Variants in ITGB5 observed in about 807,000 individuals in gnomAD.
The protein encoded by ITGB5 is integrin subunit beta 5.
In ITGB5, 38 loss-of-function variants were observed where a neutral mutation model predicts 84.8. The ratio of observed to expected loss-of-function variants is 0.45; its 90% CI spans 0.35 to 0.59. ITGB5 has a LOEUF of 0.59. ITGB5 is among the 20% of genes least tolerant of loss of function. ITGB5 has a pLI of 0.01. For missense variants in ITGB5, 905 were observed against 1,034.5 expected (o/e 0.87, Z 1.72); for synonymous variants, 393 against 414.4 (o/e 0.95, Z 0.63).
intron 1 of ITGB5, among the ~76,000 whole-genome samples, chr3:124,897,040 C>T (rs1935117702): frequency 6.6e-6 from 1 of 152,146 alleles, no homozygotes; most frequent in Non-Finnish European, 1.5e-5. Context: ...CCCTTCAGAG[C>T]CTGGCCCCTA....
chr3:124,861,697 G>A (rs979849815), intron 2 of ITGB5, among the ~76,000 whole-genome samples: 7 of 151,858 alleles, frequency 4.6e-5, no homozygotes, highest in African/African-American at 1.7e-4. Flanking sequence ...GAGTAGCTGG[G>A]ATTACAGCCA....
chr3:124,890,980 T>TC (rs974976212), upstream of ITGB5, among the ~76,000 whole-genome samples: 417 of 150,952 alleles, frequency 2.8e-3, 2 homozygotes, highest in East Asian at 0.019. Flanking sequence ...GAGGCAAAAC[T>TC]CCCCCCCCAG....
At chr3:124,783,147 C>G (rs900520448) in intron 10 of ITGB5, among the ~76,000 whole-genome samples, 1 of 151,572 alleles carries the variant, frequency 6.6e-6, no homozygotes, top group African/African-American at 2.4e-5. Context: ...AAAAATTAGC[C>G]GGGCGTGGTG....
At chr3:124,785,600 A>C (rs202098713) in intron 10 of ITGB5, among the ~76,000 whole-genome samples, 177 of 147,710 alleles carry the variant, frequency 1.2e-3, no homozygotes, top group South Asian at 2.6e-3. Flanking sequence ...AAAAAAAAAA[A>C]CCCCAAAAAA....
intron 10 of ITGB5, among the ~76,000 whole-genome samples, chr3:124,786,668 G>A (rs570566825): frequency 5.9e-5 from 9 of 152,120 alleles, no homozygotes; most frequent in Non-Finnish European, 1.3e-4. Context: ...CAGACTTGGA[G>A]CAACTTCCAG....
Position 124,830,521 on chromosome 3 carries a change from T to C in ITGB5, c.781-9047A>G, listed in dbSNP as rs553708082. Among the ~76,000 whole-genome samples the C allele has an allele frequency of 3.3e-5, 5 of 152,276 alleles. No homozygotes were observed. The South Asian group carries it at 8.3e-4, about 25-fold the overall frequency. On this transcript the variant is annotated intron_variant, in intron 5 of 14. Transcript: ENST00000296181. Reference sequence around the variant, plus strand: ...GGACAAAAGCACCAATGGATGACTGTGTAGAAAAACAGAGAAAACATGTAG... The same window carrying C: ...GGACAAAAGCACCAATGGATGACTGCGTAGAAAAACAGAGAAAACATGTAG...
chr3:124,775,306 G>T (rs1488990120), intron 10 of ITGB5, among the ~76,000 whole-genome samples: 3 of 151,510 alleles, frequency 2.0e-5, no homozygotes, highest in African/African-American at 7.2e-5. Flanking sequence ...GTGCATGAGT[G>T]TGTACAAGTG....
chr3:124,769,054 C>G lies in ITGB5; in HGVS notation c.1976G>C (p.Ser659Thr), dbSNP rs776553170. 8.7e-6 allele frequency: 14 copies of G among 1,613,912 alleles called. No individual in the cohort carries two copies. In the African/African-American group the frequency reaches 1.7e-4, roughly 20 times the overall value. Reference sequence around the variant, plus strand: ...TGTGATCACCTCATCCCTGCATAGGCTGTGGCAGGTCTGGTTGTCAGGTTT... The same window carrying G: ...TGTGATCACCTCATCCCTGCATAGGGTGTGGCAGGTCTGGTTGTCAGGTTT... ...SGKPDNQTCH[S>T]LCRDEVITWV... is the part of the protein sequence containing the mutation. Residue 659 changes from serine to threonine, a missense_variant, in exon 12 of 15, where the codon AGC becomes ACC. Around this residue, in one of 3 missense-constraint regions of ITGB5, gnomAD observed 116 missense variants for 177.0 expected, o/e 0.66. Coordinates refer to ENST00000296181, the MANE Select transcript of ITGB5 (RefSeq NM_002213.5).
In ITGB5 at chr3:124,841,528, A is replaced by T. The variant is rs763633350; in HGVS notation, c.635T>A (p.Val212Asp). 1 of 1,613,866 alleles carries T rather than the reference A, an allele frequency of 6.2e-7. No individual in the cohort carries two copies. Among genetic ancestry groups the T allele is most frequent in the South Asian group, 1.1e-5 (1 of 90,992 alleles). Reference sequence around the variant, plus strand: ...CAGATGGCGGAACCCAAAGGAGGGGACGCAATTTGGAAACAACTTGTAACT... The same window carrying T: ...CAGATGGCGGAACCCAAAGGAGGGGTCGCAATTTGGAAACAACTTGTAACT... ...CIGYKLFPNC[V>D]PSFGFRHLLP... The change falls in exon 5 of 15, where the codon GTC (valine) becomes GAC (aspartate). Residue 212 changes from valine to aspartate, a missense_variant. Transcript: ENST00000296181.
rs763581144 is a variant in ITGB5 at position 124,821,433 on chromosome 3, C to A, written c.822G>T (p.Val274=). ...GWRKDALHLL[V]FTTDDVPHIA... is the part of the protein sequence containing the mutation. ...TGTGGGGCACATCATCTGTTGTGAA[C>A]ACCAGCAAATGCAGTGCATCCTTTC... The change falls in exon 6 of 15, where the codon GTG becomes GTT. Residue 274 remains valine, a synonymous_variant. Transcript: ENST00000296181. The A allele has an allele frequency of 1.2e-6, 2 of 1,614,248 alleles. No homozygotes were observed. The highest frequency in any genetic ancestry group is 8.5e-7 in the Non-Finnish European group (1 of 1,180,038).
At chr3:124,785,440 C>T (rs963157054) in intron 10 of ITGB5, among the ~76,000 whole-genome samples, 3 of 152,066 alleles carry the variant, frequency 2.0e-5, no homozygotes, top group Non-Finnish European at 4.4e-5. Context: ...AAAAAATTAG[C>T]CAGGTGTGGT....
chr3:124,869,856 T>C (rs1443305761), intron 2 of ITGB5, among the ~76,000 whole-genome samples: 2 of 152,168 alleles, frequency 1.3e-5, no homozygotes, highest in Non-Finnish European at 2.9e-5. Flanking sequence ...GTGGAAGTAC[T>C]AGCACAAGGA....
intron 2 of ITGB5, among the ~76,000 whole-genome samples, chr3:124,869,123 G>T (rs1389154380): frequency 6.6e-6 from 1 of 152,190 alleles, no homozygotes; most frequent in Non-Finnish European, 1.5e-5. Flanking sequence ...CATCCTCATA[G>T]GTTGGGAACC....
intron 8 of ITGB5, among the ~76,000 whole-genome samples, chr3:124,817,057 A>C (rs3772837): frequency 0.26 from 39,989 of 151,682 alleles, 5,729 homozygotes; most frequent in African/African-American, 0.36. Context: ...TCATCTCTCT[A>C]TATATATTTT....
intron 9 of ITGB5, among the ~76,000 whole-genome samples, chr3:124,806,143 T>C (rs993373932): frequency 3.9e-5 from 6 of 152,306 alleles, no homozygotes; most frequent in South Asian, 2.1e-4. Flanking sequence ...GACTGTGCTG[T>C]TGTCAACCCA....
At chr3:124,764,835 C>T (rs1222545743) in intron 13 of ITGB5, among the ~76,000 whole-genome samples, 1 of 152,252 alleles carries the variant, frequency 6.6e-6, no homozygotes, top group Non-Finnish European at 1.5e-5. Flanking sequence ...CACATCCCGC[C>T]TGGCCCAGTC....
At position 124,859,126 on chromosome 3, in the gene ITGB5, T is replaced by C. The variant is rs548862390; in HGVS notation, c.361+116A>G. 3.2e-6 allele frequency: 3 copies of C among 949,316 alleles called. No individual in the cohort carries two copies. The South Asian group carries it at 4.8e-5, about 15-fold the overall frequency. The allele number at this position is 949,316 out of a possible 1,614,324, so 58.8% of individuals were successfully genotyped here. ...TCTGAGCCTTGCCTCCCCATCACCA[T>C]CTCGTGGCTCTGATCTCAGCCTGGC... On this transcript the variant is annotated intron_variant, in intron 3 of 14. Transcript: ENST00000296181.
upstream of ITGB5, chr3:124,887,776 T>C: frequency 4.9e-6 from 2 of 408,618 alleles, no homozygotes; most frequent in Non-Finnish European, 1.0e-5. Context: ...CGGTACCGCC[T>C]CATCCTCCCA....
intron 1 of ITGB5, among the ~76,000 whole-genome samples, chr3:124,894,867 G>A (rs1935070816): frequency 6.6e-6 from 1 of 152,140 alleles, no homozygotes; most frequent in Non-Finnish European, 1.5e-5. Flanking sequence ...ATTGGAAGAA[G>A]AAGTCTTGGG....
Sources: gnomAD v4.1 joint callset for allele counts (sites outside exome capture counted in the v4.1 genomes callset) on GRCh38, gnomAD v4.1.1 for gene constraint, gnomAD v4.1.1 regional missense constraint, MANE v1.5 for transcripts, NCBI Gene and HGNC (gene_info 2026-07-23, HGNC 2026-07-21) for gene names.